The following WDR49 variants were observed in gnomAD, a reference collection of about 807,000 sequenced individuals.
WDR49 encodes WD repeat domain 49.
Under a neutral mutation model 119.5 loss-of-function variants are expected in WDR49, and 107 were observed. The ratio of observed to expected loss-of-function variants is 0.90; its 90% CI spans 0.77 to 1.05. WDR49 has a LOEUF of 1.05. WDR49 is among the 50% of genes least tolerant of loss of function. WDR49 has a pLI of 0.00. For synonymous variants in WDR49, 425 were observed against 418.8 expected (o/e 1.01, Z -0.18); for missense variants, 1,240 against 1,220.5 (o/e 1.02, Z -0.24).
rs116683506 is a variant in WDR49 at position 167,608,864 on chromosome 3, T to C, written c.959-4396A>G. On this transcript the variant is annotated intron_variant, in intron 5 of 18. Coordinates refer to ENST00000682715, the MANE Select transcript of WDR49 (RefSeq NM_001366157.1). ...ATAGAGAAAAAAAACAACTTGATTATATTTATCCATTAAGATGCTAACTTT... is the reference window on the plus strand; with the variant it reads ...ATAGAGAAAAAAAACAACTTGATTACATTTATCCATTAAGATGCTAACTTT... Among the ~76,000 whole-genome samples, 973 of 152,298 alleles carry C rather than the reference T, an allele frequency of 6.4e-3. 8 individuals carry two copies. The highest frequency in any genetic ancestry group is 0.022 in the African/African-American group (925 of 41,560).
intron 2 of WDR49, among the ~76,000 whole-genome samples, chr3:167,642,277 A>G (rs142734469): frequency 3.1e-4 from 47 of 152,120 alleles, no homozygotes; most frequent in African/African-American, 1.1e-3. Context: ...TAACCCATGT[A>G]CCTGTAATGC....
chr3:167,509,234 A>G (rs1280932624), intron 16 of WDR49, among the ~76,000 whole-genome samples: 1 of 152,216 alleles, frequency 6.6e-6, no homozygotes, highest in Non-Finnish European at 1.5e-5. Flanking sequence ...TTGCTCTAGA[A>G]TAAGAATGAA....
intron 10 of WDR49, among the ~76,000 whole-genome samples, chr3:167,550,621 T>C (rs557023329): frequency 1.3e-5 from 2 of 152,096 alleles, no homozygotes; most frequent in African/African-American, 2.4e-5. Flanking sequence ...TCAAGATGTA[T>C]ACAAATATCA....
At chr3:167,611,905 T>A (rs1716358217) in intron 5 of WDR49, among the ~76,000 whole-genome samples, 1 of 152,142 alleles carries the variant, frequency 6.6e-6, no homozygotes, top group Non-Finnish European at 1.5e-5. Flanking sequence ...ACCTCAACAC[T>A]TCACTTTCAG....
In WDR49 at chr3:167,478,962, A is replaced by G. The variant is rs2108183078; in HGVS notation, c.3066T>C (p.Phe1022=). 6.2e-7 allele frequency: 1 copy of G among 1,608,976 alleles called. No individual in the cohort carries two copies. The highest frequency in any genetic ancestry group is 1.1e-5 in the South Asian group (1 of 89,318). ...GTTCATGATGCAGAATTTCCTTGGG[A>G]AACAGGTTTTTCTCATCAAATACAG... ...LKAVFDEKNL[F]PKEILHHERK... Residue 1022 remains phenylalanine, a synonymous_variant, in exon 19 of 19, where the codon TTT becomes TTC. Coordinates refer to ENST00000682715, the MANE Select transcript of WDR49 (RefSeq NM_001366157.1).
At chr3:167,558,152 G>A (rs1045857771) in intron 9 of WDR49, among the ~76,000 whole-genome samples, 1 of 152,074 alleles carries the variant, frequency 6.6e-6, no homozygotes, top group Admixed American at 6.5e-5. Flanking sequence ...TGGCTAGAAA[G>A]GTGCACAAGA....
At chr3:167,554,577 CAG>C (rs1245864536) in intron 10 of WDR49, 71 bp downstream of exon 10, 6 of 973,594 alleles carry the variant, frequency 6.2e-6, no homozygotes, top group Non-Finnish European at 8.9e-6. Flanking sequence ...TTTAATGACA[CAG>C]AGTCAACCAA....
chr3:167,577,724 C>T (rs1002856838), intron 7 of WDR49, among the ~76,000 whole-genome samples: 2 of 152,040 alleles, frequency 1.3e-5, no homozygotes, highest in Non-Finnish European at 2.9e-5. Flanking sequence ...TTCAAATAAA[C>T]TAGTCTATCC....
chr3:167,506,935 T>C (rs1375980426), intron 16 of WDR49, among the ~76,000 whole-genome samples: 1 of 152,168 alleles, frequency 6.6e-6, no homozygotes, highest in Non-Finnish European at 1.5e-5. Flanking sequence ...TTATGAGTTG[T>C]TGAGAGGAAA....
chr3:167,511,867 G>A (rs923719773), intron 16 of WDR49, among the ~76,000 whole-genome samples: 1 of 152,176 alleles, frequency 6.6e-6, no homozygotes, highest in African/African-American at 2.4e-5. Context: ...TCTTTAGGTG[G>A]GACCCGGATC....
At chr3:167,571,175 C>G (rs1713917103) in intron 8 of WDR49, among the ~76,000 whole-genome samples, 1 of 152,002 alleles carries the variant, frequency 6.6e-6, no homozygotes, top group South Asian at 2.1e-4. Flanking sequence ...ATAATCAAGC[C>G]TCAAGAAACA....
At chr3:167,630,981 A>G (rs1432108675) in intron 2 of WDR49, among the ~76,000 whole-genome samples, 1 of 151,952 alleles carries the variant, frequency 6.6e-6, no homozygotes, top group Non-Finnish European at 1.5e-5. Context: ...CCACCACCAC[A>G]CTTGGGGGCC....
chr3:167,558,264 C>T (rs1382410060), intron 9 of WDR49, among the ~76,000 whole-genome samples: 2 of 152,088 alleles, frequency 1.3e-5, no homozygotes, highest in African/African-American at 4.8e-5. Context: ...TTTATGCACA[C>T]ATTAATTATT....
chr3:167,552,637 C>T (rs1487884867), intron 10 of WDR49, among the ~76,000 whole-genome samples: 1 of 151,926 alleles, frequency 6.6e-6, no homozygotes, highest in Non-Finnish European at 1.5e-5. Context: ...CAGACACGTA[C>T]AGCAAGCAAA....
chr3:167,640,099 A>T (rs1200486388), intron 2 of WDR49, among the ~76,000 whole-genome samples: 3 of 151,856 alleles, frequency 2.0e-5, no homozygotes, highest in Non-Finnish European at 4.4e-5. Flanking sequence ...CGAAAGAAAG[A>T]GAATGAAAAG....
At chr3:167,640,339 G>C (rs955432755) in intron 2 of WDR49, among the ~76,000 whole-genome samples, 1 of 151,684 alleles carries the variant, frequency 6.6e-6, no homozygotes, top group African/African-American at 2.4e-5. Context: ...CAAGTCATTC[G>C]AATTATTAAC....
At chr3:167,626,213 T>C (rs1221039100) in intron 3 of WDR49, among the ~76,000 whole-genome samples, 1 of 151,998 alleles carries the variant, frequency 6.6e-6, no homozygotes. Flanking sequence ...GGGGGAGGTA[T>C]AGATGAAACA....
intron 5 of WDR49, among the ~76,000 whole-genome samples, chr3:167,608,509 T>TTGCAGTTGA (rs1716172157): frequency 6.6e-6 from 1 of 152,136 alleles, no homozygotes; most frequent in Admixed American, 6.6e-5. Context: ...CAGTGCTACA[T>TTGCAGTTGA]ATTGGAGGCT....
chr3:167,493,895 G>A (rs1047713080), intron 18 of WDR49, among the ~76,000 whole-genome samples: 6 of 151,950 alleles, frequency 3.9e-5, no homozygotes, highest in South Asian at 4.1e-4. Context: ...TCCCATCTTC[G>A]TCTGTATTTC....
Sources: allele counts gnomAD v4.1 joint callset (sites outside exome capture counted in the v4.1 genomes callset), GRCh38; gene constraint gnomAD v4.1.1; transcripts MANE v1.5; gene names NCBI Gene and HGNC (gene_info 2026-07-23, HGNC 2026-07-21).